Variants in MID1 observed in about 807,000 individuals in gnomAD.
MID1 encodes E3 ubiquitin-protein ligase Midline-1.
A neutral mutation model predicts 40.4 loss-of-function variants in MID1; 7 were observed. The ratio of observed to expected loss-of-function variants is 0.17; its 90% CI spans 0.10 to 0.33. The LOEUF (loss-of-function observed/expected upper bound fraction) is 0.33. MID1 is among the 10% of genes least tolerant of loss of function. The pLI is 1.00. For missense variants in MID1, 367 were observed against 558.5 expected, an observed-to-expected ratio of 0.66 and a Z score of 3.46; for synonymous variants, 229 against 221.2, an observed-to-expected ratio of 1.04 and a Z score of -0.31.
intron 1 of MID1, among the ~76,000 whole-genome samples, chrX:10,826,536 T>C (rs2044217909): frequency 8.9e-6 from 1 of 112,161 alleles, no homozygotes; most frequent in South Asian, 3.7e-4. Flanking sequence ...ATGTCATCCC[T>C]TGCTGAAAAC....
At position 10,566,934 on chromosome X, in the gene MID1, C is replaced by T. The variant is rs752432972; in HGVS notation, c.614G>A (p.Arg205His). The change falls in exon 2 of 10, where the codon CGC (arginine) becomes CAC (histidine). Residue 205 changes from arginine (R) to histidine (H), a missense_variant. By Grantham distance (29) the Arg-to-His change is conservative. Transcript: ENST00000317552. ...CALCKLVGRHRDHQVAALSER... is the reference protein window; with the variant it reads ...CALCKLVGRHHDHQVAALSER... ...ACTCAAAGCTGCCACCTGATGATCG[C>T]GGTGCCGCCCAACCAGTTTACACAA... The T allele has an allele frequency of 7.4e-6, 9 of 1,211,670 alleles. No homozygotes were observed. Among genetic ancestry groups the T allele is most frequent in the East Asian group, 3.0e-5 (1 of 33,834 alleles).
At chrX:10,758,483 CTTTTTTTTTTTTTT>C (rs1157401550) in intron 1 of MID1, among the ~76,000 whole-genome samples, 4 of 63,869 alleles carry the variant, frequency 6.3e-5, no homozygotes, top group African/African-American at 2.4e-4. Context: ...CTTTTCTTTC[CTTTTTTTTTTTTTT>C]TTTTTTTTTT....
chrX:10,518,728 T>G (rs756687664), intron 3 of MID1, among the ~76,000 whole-genome samples: 19 of 112,080 alleles, frequency 1.7e-4, no homozygotes, highest in Non-Finnish European at 3.2e-4. Flanking sequence ...TTTTCTTTAA[T>G]TTTTATCTAG....
At chrX:10,595,468 C>T (rs1047929521) in intron 1 of MID1, among the ~76,000 whole-genome samples, 2 of 111,529 alleles carry the variant, frequency 1.8e-5, no homozygotes, top group South Asian at 3.8e-4. Context: ...GCACAGAAGA[C>T]AATTACTACA....
intron 1 of MID1, among the ~76,000 whole-genome samples, chrX:10,732,130 C>T (rs2043453896): frequency 9.0e-6 from 1 of 111,004 alleles, no homozygotes; most frequent in African/African-American, 3.3e-5. Flanking sequence ...ATACTTTCTT[C>T]CAAGGTCAGG....
At chrX:10,815,559 G>A (rs974094465) in intron 1 of MID1, among the ~76,000 whole-genome samples, 2 of 112,339 alleles carry the variant, frequency 1.8e-5, no homozygotes, top group African/African-American at 6.5e-5. Context: ...CACAGCATGG[G>A]CAAGTGACAA....
intron 1 of MID1, among the ~76,000 whole-genome samples, chrX:10,670,345 G>A (rs746277972): frequency 4.0e-4 from 45 of 111,285 alleles, no homozygotes; most frequent in Non-Finnish European, 3.8e-5. Flanking sequence ...GATTACCACA[G>A]TGCTTTTTAA....
chrX:10,576,900 G>A (rs755430460), intron 1 of MID1: 2 of 107,827 alleles, frequency 1.9e-5, no homozygotes, highest in Non-Finnish European at 3.8e-5. Flanking sequence ...CAGTGCTGGA[G>A]CGGTCCTGTG....
chrX:10,783,682 A>G (rs1199524497), intron 1 of MID1, among the ~76,000 whole-genome samples: 1 of 112,412 alleles, frequency 8.9e-6, no homozygotes, highest in Non-Finnish European at 1.9e-5. Flanking sequence ...AACATACACA[A>G]TTTAGTTTAG....
intron 6 of MID1, among the ~76,000 whole-genome samples, chrX:10,471,353 T>C (rs1929697278): frequency 8.9e-6 from 1 of 112,367 alleles, no homozygotes; most frequent in Non-Finnish European, 1.9e-5. Flanking sequence ...AATATACCTC[T>C]AGGACAAGTA....
chrX:10,830,948 G>A (rs1236465033), intron 1 of MID1, among the ~76,000 whole-genome samples: 1 of 111,970 alleles, frequency 8.9e-6, no homozygotes, highest in Non-Finnish European at 1.9e-5. Flanking sequence ...GGGGTATTTT[G>A]ACTGGTTTGA....
intron 1 of MID1, among the ~76,000 whole-genome samples, chrX:10,588,425 C>G (rs1935189714): frequency 9.0e-6 from 1 of 111,370 alleles, no homozygotes; most frequent in Admixed American, 9.5e-5. Context: ...CCTCAGTGCT[C>G]TTGGGATATG....
intron 1 of MID1, among the ~76,000 whole-genome samples, chrX:10,659,406 T>C: frequency 9.0e-6 from 1 of 111,590 alleles, no homozygotes; most frequent in East Asian, 2.8e-4. Context: ...GGGGGCAACA[T>C]GGCACATATG....
chrX:10,812,781 A>G (rs895896221), intron 1 of MID1, among the ~76,000 whole-genome samples: 2 of 111,485 alleles, frequency 1.8e-5, no homozygotes, highest in Non-Finnish European at 1.9e-5. Flanking sequence ...GGCGAGAAGC[A>G]TGCCCAAGTC....
At chrX:10,645,917 A>G (rs947010180) in intron 1 of MID1, among the ~76,000 whole-genome samples, 1 of 111,973 alleles carries the variant, frequency 8.9e-6, no homozygotes, top group African/African-American at 3.2e-5. Flanking sequence ...GATGGGCCAC[A>G]GGAGCCTCTT....
chrX:10,770,999 G>C (rs2043763396), intron 1 of MID1, among the ~76,000 whole-genome samples: 1 of 109,089 alleles, frequency 9.2e-6, no homozygotes, highest in Non-Finnish European at 1.9e-5. Context: ...CCAGCTACTC[G>C]GGAGGCTGAG....
chrX:10,458,945 A>G (rs776074023), intron 8 of MID1, among the ~76,000 whole-genome samples: 1 of 111,607 alleles, frequency 9.0e-6, no homozygotes, highest in East Asian at 2.8e-4. Flanking sequence ...CCTAGATCAA[A>G]AGGATGTAAA....
chrX:10,728,498 G>A (rs772853469), intron 1 of MID1, among the ~76,000 whole-genome samples: 2 of 112,342 alleles, frequency 1.8e-5, no homozygotes, highest in African/African-American at 6.5e-5. Flanking sequence ...GGATGAGTGA[G>A]AATGAAAAAT....
intron 1 of MID1, among the ~76,000 whole-genome samples, chrX:10,684,353 C>T (rs2043078972): frequency 9.5e-6 from 1 of 104,828 alleles, no homozygotes; most frequent in African/African-American, 3.5e-5. Flanking sequence ...CTTGCTTTCT[C>T]TCTTTCTTTC....
Sources: allele counts gnomAD v4.1 joint callset (sites outside exome capture counted in the v4.1 genomes callset), GRCh38; gene constraint gnomAD v4.1.1; transcripts MANE v1.5; gene names NCBI Gene and HGNC (gene_info 2026-07-23, HGNC 2026-07-21).